Variants in IL1RAP observed in about 807,000 individuals in gnomAD.
IL1RAP encodes the protein interleukin-1 receptor accessory protein.
IL1RAP carries 35 observed loss-of-function variants against 60.7 expected under a neutral mutation model. The ratio of observed to expected loss-of-function variants is 0.58; its 90% CI spans 0.44 to 0.76. IL1RAP has a LOEUF of 0.76. Among genes scored for constraint, IL1RAP ranks in the 30% least tolerant of loss-of-function variants. The pLI, the probability that IL1RAP is intolerant of heterozygous loss-of-function variation, is 0.00. For synonymous variants in IL1RAP, 268 were observed against 250.9 expected (o/e 1.07, Z -0.64); for missense variants, 572 against 693.9 (o/e 0.82, Z 1.97).
intron 3 of IL1RAP, among the ~76,000 whole-genome samples, chr3:190,571,909 C>T (rs912812513): frequency 2.3e-5 from 2 of 85,380 alleles, no homozygotes; most frequent in Non-Finnish European, 7.0e-5. Context: ...CAAGACAATT[C>T]TTCTTCTTCC....
intron 9 of IL1RAP, chr3:190,629,868 T>C: frequency 1.0e-6 from 1 of 983,894 alleles, no homozygotes. Flanking sequence ...TAAGACCCTT[T>C]TAAAAATCAT....
At chr3:190,623,259 T>C in intron 6 of IL1RAP, 85 bp from the exon 7 acceptor site, 4 of 989,706 alleles carry the variant, frequency 4.0e-6, no homozygotes, top group Non-Finnish European at 6.5e-6. Context: ...TGCCAGGAAG[T>C]TAGGCAAGAT....
At chr3:190,637,068 C>T (rs1733282685) in intron 9 of IL1RAP, among the ~76,000 whole-genome samples, 1 of 152,080 alleles carries the variant, frequency 6.6e-6, no homozygotes, top group Non-Finnish European at 1.5e-5. Flanking sequence ...ATTTCCATTT[C>T]TTCCCTCCCA....
chr3:190,658,280 G>A (rs1209427157), exon 12 of IL1RAP: 1 of 152,148 alleles, frequency 6.6e-6, no homozygotes, highest in Non-Finnish European at 1.5e-5. Context: ...CAACTAGTTT[G>A]TAATTTCATA....
chr3:190,620,114 C>T (rs558084589), intron 5 of IL1RAP, among the ~76,000 whole-genome samples, 161 bp from the exon 6 acceptor site: 4 of 152,088 alleles, frequency 2.6e-5, no homozygotes, highest in South Asian at 2.1e-4. Context: ...ATTTATTCTT[C>T]GCAGAAATCT....
At chr3:190,632,086 A>T (rs896486395) in intron 9 of IL1RAP, among the ~76,000 whole-genome samples, 4 of 151,944 alleles carry the variant, frequency 2.6e-5, no homozygotes, top group African/African-American at 4.8e-5. Context: ...TACAGGTGTG[A>T]GCCACCACGC....
intron 4 of IL1RAP, 78 bp downstream of exon 4, chr3:190,604,491 A>C: frequency 3.5e-6 from 5 of 1,427,482 alleles, no homozygotes; most frequent in Non-Finnish European, 4.7e-6. Context: ...GTGTGCTAGG[A>C]AGCTGGGGAG....
chr3:190,523,799 T>C (rs1722283973), intron 1 of IL1RAP, among the ~76,000 whole-genome samples: 1 of 152,220 alleles, frequency 6.6e-6, no homozygotes, highest in African/African-American at 2.4e-5. Context: ...TTCATGTCTT[T>C]GCTATTGTGA....
chr3:190,645,327 A>G (rs7650510), intron 10 of IL1RAP, among the ~76,000 whole-genome samples: 35,965 of 152,108 alleles, frequency 0.24, 4,565 homozygotes, highest in African/African-American at 0.31. Context: ...ACAAGGTTTT[A>G]CTCAATTTGT....
chr3:190,529,857 CAAA>C (rs56743516), intron 1 of IL1RAP, among the ~76,000 whole-genome samples: 5 of 75,938 alleles, frequency 6.6e-5, no homozygotes, highest in Admixed American at 1.6e-4. Flanking sequence ...GACTCTGACT[CAAA>C]AAAAAAAAAA....
intron 3 of IL1RAP, among the ~76,000 whole-genome samples, chr3:190,572,723 A>G (rs1727037070): frequency 6.6e-6 from 1 of 151,910 alleles, no homozygotes; most frequent in African/African-American, 2.4e-5. Flanking sequence ...TTTATTTTAC[A>G]TTCTTACTCT....
rs985917378 is a variant in IL1RAP, at chr3:190,574,004, C to A, written c.64+9651C>A. On this transcript the variant is annotated intron_variant, in intron 3 of 11. Coordinates refer to ENST00000447382, the MANE Select transcript of IL1RAP (RefSeq NM_002182.4). ...AATTGAATGAACTTACCTAATATCA[C>A]TATAGAAGTAAGTGGTAAAATTTGT... Among the ~76,000 whole-genome samples, 5 of 152,132 alleles carry A rather than the reference C, an allele frequency of 3.3e-5. 1 individual carries two copies. The highest frequency in any genetic ancestry group is 2.0e-4 in the Admixed American group (3 of 15,272).
intron 2 of IL1RAP, among the ~76,000 whole-genome samples, chr3:190,562,262 C>T (rs954468562): frequency 3.3e-5 from 5 of 152,112 alleles, no homozygotes; most frequent in Non-Finnish European, 7.4e-5. Flanking sequence ...TCTTGTGTTT[C>T]GTCTTCTTTT....
chr3:190,639,689 A>T (rs144209222), intron 9 of IL1RAP, among the ~76,000 whole-genome samples: 192 of 152,148 alleles, frequency 1.3e-3, no homozygotes, highest in African/African-American at 4.3e-3. Context: ...GATATTATGG[A>T]TGTTACAATT....
chr3:190,591,173 A>G (rs1244902544), intron 3 of IL1RAP, among the ~76,000 whole-genome samples: 2 of 152,252 alleles, frequency 1.3e-5, no homozygotes, highest in African/African-American at 4.8e-5. Context: ...AGAGAGAAAT[A>G]TAATCATAAC....
chr3:190,608,940 G>A, intron 4 of IL1RAP, 55 bp from the exon 5 acceptor site: 1 of 1,347,914 alleles, frequency 7.4e-7, no homozygotes, highest in Non-Finnish European at 1.0e-6. Flanking sequence ...GAATGTGGTT[G>A]CTCTATGAAA....
Position 190,609,006 on chromosome 3 carries a change from A to G in IL1RAP, c.362A>G (p.Tyr121Cys). 1.2e-6 allele frequency: 2 copies of G among 1,612,900 alleles called. No individual in the cohort carries two copies. The highest frequency in any genetic ancestry group is 1.7e-6 in the Non-Finnish European group (2 of 1,179,342). Residue 121 changes from tyrosine to cysteine, a missense_variant, in exon 5 of 12, where the codon TAT becomes TGT. Physicochemically the swap from Tyr to Cys is radical, Grantham distance 194. Coordinates refer to ENST00000447382, the MANE Select transcript of IL1RAP (RefSeq NM_002182.4). ...NYTCMLRNTTYCSKVAFPLEV... is the reference protein window; with the variant it reads ...NYTCMLRNTTCCSKVAFPLEV... ...ATTTCTTTTTTCAGGAACACTACAT[A>G]TTGCAGCAAAGTTGCATTTCCCTTG... is the stretch of plus-strand genomic sequence containing the variant.
At chr3:190,564,891 C>T (rs79108891) in intron 3 of IL1RAP, among the ~76,000 whole-genome samples, 3,388 of 152,200 alleles carry the variant, frequency 0.022, 58 homozygotes, top group Middle Eastern at 0.058. Context: ...AAACCAAACT[C>T]AGTCATCATG....
downstream of IL1RAP, among the ~76,000 whole-genome samples, chr3:190,652,458 A>G (rs536097611): frequency 3.4e-3 from 445 of 129,948 alleles, 2 homozygotes; most frequent in Non-Finnish European, 2.0e-3. Flanking sequence ...GAGACTTCAG[A>G]AAAAAAAAAA....
Sources: gnomAD v4.1 joint callset for allele counts (sites outside exome capture counted in the v4.1 genomes callset) on GRCh38, gnomAD v4.1.1 for gene constraint, MANE v1.5 for transcripts, NCBI Gene and HGNC (gene_info 2026-07-23, HGNC 2026-07-21) for gene names.